Variants in CADM2 observed in about 807,000 individuals in gnomAD.
The protein encoded by CADM2 is cell adhesion molecule 2.
CADM2 carries 12 observed loss-of-function variants against 49.8 expected under a neutral mutation model. That is an observed-to-expected ratio of 0.24 (90% CI 0.15 to 0.39). CADM2 has a LOEUF of 0.39. Ranked by LOEUF, CADM2 falls within the 10% of genes least tolerant of loss-of-function variation. The pLI, the probability that CADM2 is intolerant of heterozygous loss-of-function variation, is 1.00. For synonymous variants in CADM2, 214 were observed against 175.4 expected, an observed-to-expected ratio of 1.22 and a Z score of -1.74; for missense variants, 378 against 492.3, an observed-to-expected ratio of 0.77 and a Z score of 2.20.
At chr3:85,189,062 A>AAAATAAAT (rs67058834) in intron 1 of CADM2, among the ~76,000 whole-genome samples, 4,527 of 145,542 alleles carry the variant, frequency 0.031, 185 homozygotes, top group Admixed American at 0.094. Flanking sequence ...ATAAATAAAT[A>AAAATAAAT]AAATAAATAA....
At chr3:85,471,494 T>C (rs2038762209) in intron 1 of CADM2, among the ~76,000 whole-genome samples, 1 of 152,064 alleles carries the variant, frequency 6.6e-6, no homozygotes, top group Non-Finnish European at 1.5e-5. Flanking sequence ...CCATAAGCAA[T>C]CTGTGCCAAA....
chr3:85,694,106 C>A (rs1295937583), intron 1 of CADM2, among the ~76,000 whole-genome samples: 2 of 151,946 alleles, frequency 1.3e-5, no homozygotes, highest in East Asian at 1.9e-4. Flanking sequence ...TTACTTCAGA[C>A]CAAGGGACAG....
chr3:85,440,720 C>G (rs898789216), intron 1 of CADM2, among the ~76,000 whole-genome samples: 1 of 141,010 alleles, frequency 7.1e-6, no homozygotes, highest in African/African-American at 2.6e-5. Flanking sequence ...TCATGGCTCA[C>G]GTCTGTAATC....
At chr3:85,043,671 C>A (rs1365901913) in intron 1 of CADM2, among the ~76,000 whole-genome samples, 1 of 151,930 alleles carries the variant, frequency 6.6e-6, no homozygotes, top group Non-Finnish European at 1.5e-5. Context: ...AGAGTGAGAG[C>A]TTGTCTCAAA....
At chr3:85,855,621 C>CATATATATATAT (rs142144366) in intron 3 of CADM2, among the ~76,000 whole-genome samples, 21 of 54,028 alleles carry the variant, frequency 3.9e-4, no homozygotes, top group African/African-American at 9.6e-4. Flanking sequence ...ATATATAAAA[C>CATATATATATAT]ATATATATAT....
chr3:85,604,550 A>G (rs2063498937), intron 1 of CADM2, among the ~76,000 whole-genome samples: 1 of 152,032 alleles, frequency 6.6e-6, no homozygotes, highest in Non-Finnish European at 1.5e-5. Context: ...TTGCTACACA[A>G]CAATGAACTA....
At chr3:85,964,005 G>A (rs142797539) in intron 8 of CADM2, among the ~76,000 whole-genome samples, 242 of 151,966 alleles carry the variant, frequency 1.6e-3, no homozygotes, top group African/African-American at 5.7e-3. Context: ...GTGTTTAAAA[G>A]GGGCGCCAAT....
At chr3:85,405,721 T>G (rs2035340394) in intron 1 of CADM2, among the ~76,000 whole-genome samples, 1 of 151,992 alleles carries the variant, frequency 6.6e-6, no homozygotes, top group Admixed American at 6.6e-5. Context: ...AATTTTAATT[T>G]TATTTTAAGT....
intron 1 of CADM2, among the ~76,000 whole-genome samples, chr3:85,432,663 A>C (rs183501254): frequency 5.9e-5 from 9 of 152,190 alleles, no homozygotes; most frequent in Admixed American, 2.0e-4. Flanking sequence ...CAAATTCTAG[A>C]CTCCAGTCCT....
chr3:85,699,586 G>A (rs1246782403), intron 1 of CADM2, among the ~76,000 whole-genome samples: 1 of 152,226 alleles, frequency 6.6e-6, no homozygotes, highest in Middle Eastern at 3.2e-3. Context: ...GCAGTGGCCT[G>A]AGCTTTACCT....
intron 3 of CADM2, among the ~76,000 whole-genome samples, chr3:85,809,885 C>G (rs2072740628): frequency 6.6e-6 from 1 of 151,060 alleles, no homozygotes; most frequent in African/African-American, 2.4e-5. Context: ...AACATCTTAT[C>G]TCATATTTAA....
At chr3:85,958,720 A>G (rs1340175988) in intron 7 of CADM2, among the ~76,000 whole-genome samples, 1 of 152,018 alleles carries the variant, frequency 6.6e-6, no homozygotes, top group African/African-American at 2.4e-5. Flanking sequence ...ATGCAGCCAT[A>G]AAAAGGAGTG....
chr3:85,741,183 G>A (rs2068368310), intron 2 of CADM2, among the ~76,000 whole-genome samples: 1 of 152,058 alleles, frequency 6.6e-6, no homozygotes, highest in Admixed American at 6.6e-5. Flanking sequence ...CATCTGAGAT[G>A]TTTAGATATC....
intron 1 of CADM2, among the ~76,000 whole-genome samples, chr3:85,715,548 C>T (rs1421864438): frequency 6.6e-6 from 1 of 152,102 alleles, no homozygotes; most frequent in Non-Finnish European, 1.5e-5. Context: ...GATACATGTG[C>T]AGAACGTGCA....
intron 1 of CADM2, among the ~76,000 whole-genome samples, chr3:85,161,907 C>T (rs929555993): frequency 3.9e-5 from 6 of 151,994 alleles, no homozygotes. Context: ...ATCCCACCTA[C>T]TCGGGAGGCT....
intron 1 of CADM2, among the ~76,000 whole-genome samples, chr3:85,650,818 A>C (rs2065021782): frequency 6.6e-6 from 1 of 150,858 alleles, no homozygotes; most frequent in Non-Finnish European, 1.5e-5. Context: ...GTTTAAATTT[A>C]TAAAGCACCA....
intron 1 of CADM2, among the ~76,000 whole-genome samples, chr3:84,960,774 G>T (rs773140890): frequency 2.0e-5 from 3 of 152,130 alleles, no homozygotes; most frequent in Non-Finnish European, 4.4e-5. Flanking sequence ...GGGCTGTGTG[G>T]AATGGGAGGA....
rs1559915916 is a variant in CADM2, at chr3:85,568,451, CTTTCTTTCTT to C, written c.62-158069_62-158060del. 3.0e-4 allele frequency among the ~76,000 whole-genome samples: 6 copies of C among 20,104 alleles called. 1 individual carries two copies. Among genetic ancestry groups the C allele is most frequent in the Admixed American group, 2.3e-3 (3 of 1,322 alleles). 13.2% of individuals were successfully genotyped at this position (20,104 alleles called of 152,430 possible). ...TCTTTCTTTCTTTCTTTCTTTCTTTCTTTCTTTCTTTCTCTTTCTCTCTCTTTCTTTCTTT... is the reference window on the plus strand; with the variant it reads ...TCTTTCTTTCTTTCTTTCTTTCTTTCTCTCTTTCTCTCTCTTTCTTTCTTT... On this transcript the variant is annotated intron_variant, in intron 1 of 9. Coordinates refer to ENST00000383699, the MANE Select transcript of CADM2 (RefSeq NM_001167675.2).
intron 2 of CADM2, among the ~76,000 whole-genome samples, chr3:85,778,213 C>G (rs568701763): frequency 3.9e-5 from 6 of 152,208 alleles, no homozygotes; most frequent in African/African-American, 1.4e-4. Context: ...GCATTATTTA[C>G]AAATGATGCC....
Sources: gnomAD v4.1 joint callset for allele counts (sites outside exome capture counted in the v4.1 genomes callset) on GRCh38, gnomAD v4.1.1 for gene constraint, MANE v1.5 for transcripts, NCBI Gene and HGNC (gene_info 2026-07-23, HGNC 2026-07-21) for gene names.